Variants in EHBP1 observed in about 807,000 individuals in gnomAD.
EHBP1 encodes the protein EH domain binding protein 1.
Under a neutral mutation model 144.0 loss-of-function variants are expected in EHBP1, and 55 were observed. That is an observed-to-expected ratio of 0.38 (90% CI 0.31 to 0.48). The LOEUF (loss-of-function observed/expected upper bound fraction) is 0.48, where lower values mean the gene tolerates loss of function less well. Among genes scored for constraint, EHBP1 ranks in the 20% least tolerant of loss-of-function variants. The pLI, the probability that EHBP1 is intolerant of heterozygous loss-of-function variation, is 0.98. For missense variants in EHBP1, 1,200 were observed against 1,364.2 expected (o/e 0.88, Z 1.90); for synonymous variants, 469 against 472.7 (o/e 0.99, Z 0.10).
intron 1 of EHBP1, among the ~76,000 whole-genome samples, chr2:62,694,816 C>G (rs2034028486): frequency 6.6e-6 from 1 of 152,128 alleles, no homozygotes; most frequent in East Asian, 1.9e-4. Context: ...AGGTCCCTGG[C>G]AGCAGGATAC....
intron 7 of EHBP1, among the ~76,000 whole-genome samples, chr2:62,841,798 G>A (rs1485342793): frequency 6.6e-6 from 1 of 151,174 alleles, no homozygotes; most frequent in African/African-American, 2.4e-5. Flanking sequence ...TGGCTATCTG[G>A]AGTATTTCCA....
chr2:62,827,320 A>G (rs185301204), intron 6 of EHBP1, among the ~76,000 whole-genome samples: 1 of 152,330 alleles, frequency 6.6e-6, no homozygotes, highest in Non-Finnish European at 1.5e-5. Flanking sequence ...CTTAAATTAT[A>G]GACTTAAATA....
At chr2:62,828,703 CTTG>C (rs2046531938) in intron 6 of EHBP1, among the ~76,000 whole-genome samples, 2 of 152,186 alleles carry the variant, frequency 1.3e-5, no homozygotes, top group Admixed American at 1.3e-4. Flanking sequence ...GATTTAAAAT[CTTG>C]TTCTAATTCC....
intron 10 of EHBP1, among the ~76,000 whole-genome samples, chr2:62,905,207 G>C (rs2215870): frequency 0.67 from 101,353 of 152,042 alleles, 33,852 homozygotes; most frequent in East Asian, 0.72. Flanking sequence ...TAGAAAGCCT[G>C]TCTATGGAAG....
At chr2:62,727,324 A>G (rs2151978440) in intron 2 of EHBP1, among the ~76,000 whole-genome samples, 1 of 151,600 alleles carries the variant, frequency 6.6e-6, no homozygotes, top group Non-Finnish European at 1.5e-5. Context: ...ATTGAGGTAT[A>G]ACTCATGTAC....
intron 5 of EHBP1, among the ~76,000 whole-genome samples, chr2:62,795,602 A>G (rs550425651): frequency 3.0e-4 from 45 of 152,006 alleles, no homozygotes; most frequent in Non-Finnish European, 5.4e-4. Context: ...TTCACTGTCT[A>G]TGCTTGCTCT....
rs1238541440 is a variant in EHBP1 at position 62,993,658 on chromosome 2, G to A, written c.2862G>A (p.Glu954=). 6.3e-7 allele frequency: 1 copy of A among 1,594,496 alleles called. No homozygotes were observed. Among genetic ancestry groups the A allele is most frequent in the South Asian group, 1.1e-5 (1 of 87,828 alleles). Residue 954 remains glutamate (E), a synonymous_variant, in exon 17 of 23, where the codon GAG becomes GAA. Transcript: ENST00000431489. ...TTCAGTCTTTCAGCCAATATATTGA[G>A]AATAGACCAGGTAGAACACTTTTTA... ...TQLQSFSQYI[E]NRPEMKRQRS...
chr2:62,775,439 G>T (rs2041990354), intron 5 of EHBP1, among the ~76,000 whole-genome samples: 1 of 152,132 alleles, frequency 6.6e-6, no homozygotes, highest in Non-Finnish European at 1.5e-5. Context: ...TAGAAATTCT[G>T]TTGGTATATT....
chr2:62,750,607 A>G (rs1289482540), intron 3 of EHBP1, among the ~76,000 whole-genome samples: 1 of 152,174 alleles, frequency 6.6e-6, no homozygotes, highest in Non-Finnish European at 1.5e-5. Flanking sequence ...CATTATTCCT[A>G]TCCATGAGCG....
chr2:63,030,353 A>G (rs929856740), intron 19 of EHBP1, among the ~76,000 whole-genome samples: 1 of 152,156 alleles, frequency 6.6e-6, no homozygotes, highest in African/African-American at 2.4e-5. Context: ...TTTGGCCTAC[A>G]TGAATGTATA....
chr2:62,947,406 AT>A (rs1160825107), intron 12 of EHBP1, among the ~76,000 whole-genome samples: 1 of 152,204 alleles, frequency 6.6e-6, no homozygotes, highest in Non-Finnish European at 1.5e-5. Flanking sequence ...ACTTTGAATT[AT>A]AATCCTTAAT....
intron 10 of EHBP1, among the ~76,000 whole-genome samples, chr2:62,924,427 G>C (rs1429732132): frequency 6.6e-6 from 1 of 152,060 alleles, no homozygotes; most frequent in African/African-American, 2.4e-5. Context: ...GAAACAAAAA[G>C]TTGATTTTTT....
intron 7 of EHBP1, among the ~76,000 whole-genome samples, chr2:62,843,733 G>A (rs150222308): frequency 1.6e-3 from 251 of 152,210 alleles, no homozygotes; most frequent in African/African-American, 5.9e-3. Context: ...AAGTGTTTGA[G>A]TGAAGTAGTT....
intron 14 of EHBP1, among the ~76,000 whole-genome samples, chr2:62,977,768 T>C (rs1001501307): frequency 6.6e-6 from 1 of 152,118 alleles, no homozygotes; most frequent in African/African-American, 2.4e-5. Flanking sequence ...TAATGTAAAT[T>C]GACAAGTATT....
At chr2:62,853,800 T>C (rs370991330) in intron 7 of EHBP1, among the ~76,000 whole-genome samples, 10 of 152,368 alleles carry the variant, frequency 6.6e-5, no homozygotes, top group African/African-American at 2.2e-4. Flanking sequence ...ATCACAGCTC[T>C]TGGGCGACCT....
At chr2:62,975,395 A>G (rs749612613) in intron 14 of EHBP1, among the ~76,000 whole-genome samples, 3 of 152,210 alleles carry the variant, frequency 2.0e-5, no homozygotes, top group Admixed American at 6.5e-5. Flanking sequence ...GCAAGGTCAC[A>G]TTGCAGAAGA....
intron 3 of EHBP1, among the ~76,000 whole-genome samples, chr2:62,751,849 T>C (rs1213545076): frequency 6.6e-6 from 1 of 152,190 alleles, no homozygotes; most frequent in African/African-American, 2.4e-5. Flanking sequence ...ATCATTTGTA[T>C]TGTGTCTGTT....
At chr2:62,889,937 G>A (rs1407220898) in intron 10 of EHBP1, among the ~76,000 whole-genome samples, 3 of 150,622 alleles carry the variant, frequency 2.0e-5, no homozygotes, top group East Asian at 3.9e-4. Flanking sequence ...TTCAGGATAG[G>A]CTCTTTTTTT....
rs2045909595 is a variant in EHBP1 at position 62,820,740 on chromosome 2, ATATATATATATATATATATATATATATAT to A, written c.313-5346_313-5318del. 3.9e-4 allele frequency among the ~76,000 whole-genome samples: 13 copies of A among 33,506 alleles called. 1 individual carries two copies. The highest frequency in any genetic ancestry group is 1.7e-3 in the Admixed American group (6 of 3,508). 22.0% of individuals were successfully genotyped at this position (33,506 alleles called of 152,430 possible). On this transcript the variant is annotated intron_variant, in intron 5 of 22. Coordinates refer to ENST00000431489, the MANE Select transcript of EHBP1 (RefSeq NM_001142616.3). ...GTGTGTGTGTGTGTGTGTGTATAATATATATATATATATATATATATATATATATATATATATATATGCACATCTAGTTG... is the reference window on the plus strand; with the variant it reads ...GTGTGTGTGTGTGTGTGTGTATAATAATATATATATATGCACATCTAGTTG...
Sources: gnomAD v4.1 joint callset for allele counts (sites outside exome capture counted in the v4.1 genomes callset) on GRCh38, gnomAD v4.1.1 for gene constraint, MANE v1.5 for transcripts, NCBI Gene and HGNC (gene_info 2026-07-23, HGNC 2026-07-21) for gene names.